LRP1B: variants seen among roughly 807,000 people sequenced by gnomAD.
The protein encoded by LRP1B is LDL receptor related protein 1B, also known as low-density lipoprotein receptor-related protein 1B.
Under a neutral mutation model 556.6 loss-of-function variants are expected in LRP1B, and 217 were observed. The ratio of observed to expected loss-of-function variants is 0.39; its 90% CI spans 0.35 to 0.44. The LOEUF (loss-of-function observed/expected upper bound fraction) is 0.44. Among genes scored for constraint, LRP1B ranks in the 20% least tolerant of loss-of-function variants. The pLI, the probability that LRP1B is intolerant of heterozygous loss-of-function variation, is 1.00. For synonymous variants in LRP1B, 2,047 were observed against 1,865.8 expected, an observed-to-expected ratio of 1.10 and a Z score of -2.50; for missense variants, 5,053 against 5,620.8, an observed-to-expected ratio of 0.90 and a Z score of 3.23.
At chr2:140,961,308 A>G (rs936253985) in intron 18 of LRP1B, among the ~76,000 whole-genome samples, 9 of 152,010 alleles carry the variant, frequency 5.9e-5, no homozygotes, top group African/African-American at 2.2e-4. Context: ...TTTAAAATAT[A>G]TACATTTTTC....
chr2:142,047,869 G>A (rs1704314564), intron 1 of LRP1B, among the ~76,000 whole-genome samples: 1 of 151,952 alleles, frequency 6.6e-6, no homozygotes. Context: ...GAGACCTCCA[G>A]GACCAGCACT....
At chr2:141,542,847 T>C (rs775244624) in intron 2 of LRP1B, among the ~76,000 whole-genome samples, 1 of 152,148 alleles carries the variant, frequency 6.6e-6, no homozygotes, top group Non-Finnish European at 1.5e-5. Context: ...TTTTAGTGCC[T>C]ATTTGCAGTC....
At chr2:141,968,285 C>T (rs1701620851) in intron 1 of LRP1B, among the ~76,000 whole-genome samples, 1 of 151,800 alleles carries the variant, frequency 6.6e-6, no homozygotes, top group South Asian at 2.1e-4. Flanking sequence ...ATGTATTTTG[C>T]AATTTTCATG....
chr2:141,335,652 T>C (rs1271404177), intron 3 of LRP1B, among the ~76,000 whole-genome samples: 2 of 152,034 alleles, frequency 1.3e-5, no homozygotes, highest in Non-Finnish European at 2.9e-5. Context: ...AAAAATAAAC[T>C]AATAAAAACT....
intron 2 of LRP1B, among the ~76,000 whole-genome samples, chr2:141,730,260 T>G (rs1693221273): frequency 6.6e-6 from 1 of 152,032 alleles, no homozygotes; most frequent in African/African-American, 2.4e-5. Flanking sequence ...GTCTTTTAAT[T>G]GGCTGAGTGT....
intron 3 of LRP1B, among the ~76,000 whole-genome samples, chr2:141,464,386 T>G (rs1682077853): frequency 6.6e-6 from 1 of 151,424 alleles, no homozygotes; most frequent in South Asian, 2.1e-4. Context: ...GGATATACTA[T>G]GCATTCTATC....
chr2:140,270,105 G>A (rs1682389031), intron 86 of LRP1B, 137 bp downstream of exon 86: 2 of 621,954 alleles, frequency 3.2e-6, no homozygotes, highest in Non-Finnish European at 5.9e-6. Context: ...ATGAGCTGAT[G>A]AGGGACAATA....
intron 11 of LRP1B, among the ~76,000 whole-genome samples, chr2:141,046,064 TC>T (rs1300552312): frequency 1.3e-5 from 2 of 152,126 alleles, no homozygotes; most frequent in Non-Finnish European, 2.9e-5. Flanking sequence ...TCAATAAACC[TC>T]TAGGAGAAAA....
chr2:140,429,907 T>C (rs1305084565), intron 66 of LRP1B, among the ~76,000 whole-genome samples: 3 of 152,136 alleles, frequency 2.0e-5, no homozygotes, highest in Non-Finnish European at 2.9e-5. Context: ...ACACATATAC[T>C]TTCTGCTCCC....
chr2:140,312,370 G>T (rs1298938875), intron 83 of LRP1B, among the ~76,000 whole-genome samples: 3 of 151,762 alleles, frequency 2.0e-5, no homozygotes, highest in Non-Finnish European at 2.9e-5. Context: ...AAATCAACTG[G>T]GTAGGAAAGT....
chr2:141,538,376 T>G (rs1191946561), intron 2 of LRP1B, among the ~76,000 whole-genome samples: 1 of 152,184 alleles, frequency 6.6e-6, no homozygotes, highest in African/African-American at 2.4e-5. Context: ...AAGAATACGA[T>G]GGTAAAGTGC....
In LRP1B at chr2:140,837,944, T is replaced by TA. The variant is rs200901865; in HGVS notation, c.5209+2046dup. ...TGTACCTGAAAACTTAAAGTATAATTAAAAAAAAATATATCACTTGGTGAA... is the reference window on the plus strand; with the variant it reads ...TGTACCTGAAAACTTAAAGTATAATTAAAAAAAAAATATATCACTTGGTGAA... On this transcript the variant is annotated intron_variant, in intron 31 of 90. Coordinates refer to ENST00000389484, the MANE Select transcript of LRP1B (RefSeq NM_018557.3). Among the ~76,000 whole-genome samples, 1,132 of 151,072 alleles carry TA rather than the reference T, an allele frequency of 7.5e-3. 2 individuals are homozygous for TA. Among genetic ancestry groups the TA allele is most frequent in the Middle Eastern group, 0.017 (5 of 290 alleles).
intron 3 of LRP1B, among the ~76,000 whole-genome samples, chr2:141,434,558 T>C (rs1402115231): frequency 6.6e-6 from 1 of 152,188 alleles, no homozygotes; most frequent in African/African-American, 2.4e-5. Flanking sequence ...AGAGCTGCCT[T>C]GAAGTCTGTT....
rs1553543087 is a variant in LRP1B, at chr2:140,841,929, C to CT, written c.4940-838_4940-837insA. 2.8e-4 allele frequency among the ~76,000 whole-genome samples: 43 copies of CT among 151,632 alleles called. 1 individual carries two copies. The South Asian group carries it at 3.1e-3, about 11-fold the overall frequency. ...GTGCCCAATTTATAGCATTTGATTACCTTGATTTTGGTTTTACTTTAAAAA... is the reference window on the plus strand; with the variant it reads ...GTGCCCAATTTATAGCATTTGATTACTCTTGATTTTGGTTTTACTTTAAAAA... On this transcript the variant is annotated intron_variant, in intron 29 of 90. Coordinates refer to ENST00000389484, the MANE Select transcript of LRP1B (RefSeq NM_018557.3).
chr2:140,523,026 C>T (rs980014628), intron 49 of LRP1B, among the ~76,000 whole-genome samples: 1 of 151,990 alleles, frequency 6.6e-6, no homozygotes, highest in Non-Finnish European at 1.5e-5. Flanking sequence ...AGATTTCTCC[C>T]TAACTCATTC....
chr2:141,267,143 G>A (rs761228823), intron 3 of LRP1B, among the ~76,000 whole-genome samples: 1 of 152,142 alleles, frequency 6.6e-6, no homozygotes, highest in East Asian at 1.9e-4. Flanking sequence ...TATCATTATA[G>A]TCACAACCAA....
At chr2:140,900,129 G>A (rs1160970871) in intron 23 of LRP1B, among the ~76,000 whole-genome samples, 1 of 152,196 alleles carries the variant, frequency 6.6e-6, no homozygotes, top group Non-Finnish European at 1.5e-5. Flanking sequence ...TCTGAGCTGA[G>A]AGCAGAGGAG....
chr2:141,227,572 A>T (rs1246154965), intron 6 of LRP1B, among the ~76,000 whole-genome samples: 2 of 152,158 alleles, frequency 1.3e-5, no homozygotes, highest in East Asian at 3.9e-4. Context: ...TGAAATATCC[A>T]CCGCTTTCAT....
intron 84 of LRP1B, among the ~76,000 whole-genome samples, chr2:140,279,485 T>G (rs1312014748): frequency 6.6e-6 from 1 of 152,002 alleles, no homozygotes; most frequent in Non-Finnish European, 1.5e-5. Context: ...TATAATGCAC[T>G]TAGAATTACA....
Sources: allele counts gnomAD v4.1 joint callset (sites outside exome capture counted in the v4.1 genomes callset), GRCh38; gene constraint gnomAD v4.1.1; transcripts MANE v1.5; gene names NCBI Gene and HGNC (gene_info 2026-07-23, HGNC 2026-07-21).